Variants in LRRTM3 observed in about 807,000 individuals in gnomAD.
The protein encoded by LRRTM3 is leucine-rich repeat transmembrane neuronal protein 3.
LRRTM3 carries 24 observed loss-of-function variants against 44.7 expected under a neutral mutation model. The observed-to-expected ratio is 0.54, with a 90% CI of 0.39 to 0.76. The LOEUF (loss-of-function observed/expected upper bound fraction) is 0.76. Among genes scored for constraint, LRRTM3 ranks in the 30% least tolerant of loss-of-function variants. LRRTM3 has a pLI of 0.00. For missense variants in LRRTM3, 587 were observed against 702.2 expected, an observed-to-expected ratio of 0.84 and a Z score of 1.85; for synonymous variants, 277 against 278.7, an observed-to-expected ratio of 0.99 and a Z score of 0.06.
At chr10:67,080,241 T>C (rs1468181556) in intron 2 of LRRTM3, among the ~76,000 whole-genome samples, 2 of 152,222 alleles carry the variant, frequency 1.3e-5, no homozygotes, top group African/African-American at 4.8e-5. Context: ...GATTGGGTTT[T>C]GAAATGGTAT....
intron 2 of LRRTM3, among the ~76,000 whole-genome samples, chr10:67,077,341 A>C (rs1856794353): frequency 6.6e-6 from 1 of 152,146 alleles, no homozygotes; most frequent in Non-Finnish European, 1.5e-5. Context: ...TAAAGTCTAA[A>C]TCCTTCAAAA....
Position 67,097,690 on chromosome 10 carries a change from C to T in LRRTM3, c.1640C>T (p.Thr547Met), listed in dbSNP as rs377501504. The T allele has an allele frequency of 2.3e-5, 37 of 1,612,504 alleles. No homozygotes were observed. The highest frequency in any genetic ancestry group is 2.8e-5 in the Non-Finnish European group (33 of 1,179,020). The part of the protein sequence containing the change: ...HELLSHKSFE[T>M]NAQEDTMETH... ...CTTCTCTCCCATAAGTCCTTTGAAA[C>T]GAATGCACAGGAAGATACGATGGAA... is the stretch of plus-strand genomic sequence containing the variant. Residue 547 changes from threonine (T) to methionine (M), a missense_variant, in exon 3 of 3, where the codon ACG becomes ATG. This residue lies in a region of LRRTM3 where 315 missense variants were observed against 335.6 expected (regional missense o/e 0.94). Transcript: ENST00000361320.
intron 2 of LRRTM3, among the ~76,000 whole-genome samples, chr10:67,063,816 C>T (rs971558255): frequency 2.0e-5 from 3 of 152,102 alleles, no homozygotes; most frequent in Non-Finnish European, 4.4e-5. Context: ...GTTGCTGAAT[C>T]CCACAAAGAC....
chr10:67,096,746 C>T (rs1858016780), intron 2 of LRRTM3, among the ~76,000 whole-genome samples: 1 of 151,802 alleles, frequency 6.6e-6, no homozygotes. Flanking sequence ...ACTTTTAGAA[C>T]TTGCTTTCTT....
intron 2 of LRRTM3, among the ~76,000 whole-genome samples, chr10:66,996,785 A>G (rs772069828): frequency 4.0e-5 from 6 of 151,698 alleles, no homozygotes; most frequent in Non-Finnish European, 8.8e-5. Flanking sequence ...CAAAAATATT[A>G]TCTAAAGTAG....
chr10:66,928,220 T>C lies in LRRTM3; in HGVS notation c.1304T>C (p.Leu435Pro). 2 of 1,614,166 alleles carry C rather than the reference T, an allele frequency of 1.2e-6. No homozygotes were observed. Among genetic ancestry groups the C allele is most frequent in the Non-Finnish European group, 1.7e-6 (2 of 1,180,038 alleles). Residue 435 changes from leucine to proline, a missense_variant, in exon 2 of 3, where the codon CTG (leucine) becomes CCG (proline). Leu to Pro is a moderately conservative substitution (Grantham distance 98). This residue lies in a region of LRRTM3 where 315 missense variants were observed against 335.6 expected (regional missense o/e 0.94). Coordinates refer to ENST00000361320, the MANE Select transcript of LRRTM3 (RefSeq NM_178011.5). ...VALFLSVLVI[L>P]LVIYVSWKRY... ...CTTTTCCTGTCCGTGCTCGTCATCC[T>C]GCTGGTTATCTACGTGTCATGGAAG...
intron 2 of LRRTM3, among the ~76,000 whole-genome samples, chr10:67,087,082 A>G (rs537953809): frequency 6.6e-6 from 1 of 152,194 alleles, no homozygotes; most frequent in African/African-American, 2.4e-5. Flanking sequence ...CATAGTTTCA[A>G]TTTAGGTCTC....
rs569160074 is a variant in LRRTM3, at chr10:66,962,503, G to A, written c.1536+34051G>A. Among the ~76,000 whole-genome samples the A allele has an allele frequency of 1.6e-3, 236 of 151,460 alleles. 1 individual carries two copies. The highest frequency in any genetic ancestry group is 2.3e-3 in the Non-Finnish European group (159 of 67,874). On this transcript the variant is annotated intron_variant, in intron 2 of 2. Coordinates refer to ENST00000361320, the MANE Select transcript of LRRTM3 (RefSeq NM_178011.5). ...CTGCTCACTGCAATCTCCATCTCCC[G>A]GGTTCAAGCGATTCTCCTGCCTCAG... is the stretch of plus-strand genomic sequence containing the variant.
At chr10:67,078,534 T>A (rs1015893918) in intron 2 of LRRTM3, among the ~76,000 whole-genome samples, 2 of 152,142 alleles carry the variant, frequency 1.3e-5, no homozygotes, top group Admixed American at 6.5e-5. Flanking sequence ...TATTATTATT[T>A]GAGAAGGAGT....
intron 2 of LRRTM3, among the ~76,000 whole-genome samples, chr10:67,084,828 T>C (rs953253615): frequency 6.6e-6 from 1 of 152,004 alleles, no homozygotes. Context: ...CTTTCCTTCA[T>C]TGCTGATTTT....
chr10:67,017,784 T>G (rs1259671304), intron 2 of LRRTM3, among the ~76,000 whole-genome samples: 1 of 152,074 alleles, frequency 6.6e-6, no homozygotes, highest in Non-Finnish European at 1.5e-5. Flanking sequence ...TACAATTTTA[T>G]TTTGAGATGG....
intron 2 of LRRTM3, among the ~76,000 whole-genome samples, chr10:67,043,683 C>T (rs151228053): frequency 6.6e-6 from 1 of 152,098 alleles, no homozygotes; most frequent in African/African-American, 2.4e-5. Flanking sequence ...CCTTTAATCT[C>T]CCACTGCTCC....
intron 2 of LRRTM3, among the ~76,000 whole-genome samples, chr10:66,936,715 G>C (rs1321027250): frequency 6.6e-6 from 1 of 151,984 alleles, no homozygotes; most frequent in African/African-American, 2.4e-5. Context: ...CCATTTCCAT[G>C]TATTTTCTCT....
chr10:67,058,284 T>C (rs1855558627), intron 2 of LRRTM3, among the ~76,000 whole-genome samples: 1 of 152,250 alleles, frequency 6.6e-6, no homozygotes, highest in South Asian at 2.1e-4. Context: ...GGTCTTAGTC[T>C]ATCACATCAT....
In LRRTM3 at chr10:66,926,335, C is replaced by A; in HGVS notation, c.-249C>A. On this transcript the variant is annotated 5_prime_UTR_variant, in exon 1 of 3. Transcript: ENST00000361320. Reference sequence around the variant, plus strand: ...GCAAAAACGTAATATCCATGAAGATCCTATTACCTAGGAAGATTTTGATGT... The same window carrying A: ...GCAAAAACGTAATATCCATGAAGATACTATTACCTAGGAAGATTTTGATGT... 2 of 528,820 alleles carry A rather than the reference C, an allele frequency of 3.8e-6. No homozygotes were observed. Among genetic ancestry groups the A allele is most frequent in the African/African-American group, 1.9e-5 (1 of 51,298 alleles). 32.8% of individuals were successfully genotyped at this position (528,820 alleles called of 1,614,324 possible).
chr10:66,939,892 A>G (rs542206172), intron 2 of LRRTM3, among the ~76,000 whole-genome samples: 7 of 152,306 alleles, frequency 4.6e-5, no homozygotes, highest in South Asian at 4.1e-4. Flanking sequence ...AAGAACTGCA[A>G]TCCTCAAGTT....
intron 2 of LRRTM3, among the ~76,000 whole-genome samples, chr10:66,995,847 G>A (rs931835616): frequency 5.9e-5 from 9 of 152,074 alleles, no homozygotes; most frequent in Non-Finnish European, 1.3e-4. Context: ...AATCCACAGA[G>A]GAAATTATAC....
At position 66,928,208 on chromosome 10, in the gene LRRTM3, T is replaced by C. The variant is rs752492333; in HGVS notation, c.1292T>C (p.Val431Ala). 1.7e-5 allele frequency: 27 copies of C among 1,614,004 alleles called. No homozygotes were observed. Among genetic ancestry groups the C allele is most frequent in the African/African-American group, 6.7e-5 (5 of 74,930 alleles). ...IAGSVALFLS[V>A]LVILLVIYVS... ...GGCAGCGTGGCGCTTTTCCTGTCCG[T>C]GCTCGTCATCCTGCTGGTTATCTAC... Residue 431 changes from valine (V) to alanine (A), a missense_variant, in exon 2 of 3, where the codon GTG (valine) becomes GCG (alanine). By Grantham distance (64) the Val-to-Ala change is moderately conservative. Coordinates refer to ENST00000361320, the MANE Select transcript of LRRTM3 (RefSeq NM_178011.5).
Position 67,097,986 on chromosome 10 carries a change from T to C in LRRTM3, c.*190T>C. 1.7e-6 allele frequency: 1 copy of C among 590,244 alleles called. No individual in the cohort carries two copies. The highest frequency in any genetic ancestry group is 2.1e-5 in the South Asian group (1 of 48,204). 36.6% of individuals were successfully genotyped at this position (590,244 alleles called of 1,614,324 possible). On this transcript the variant is annotated 3_prime_UTR_variant, in exon 3 of 3. Transcript: ENST00000361320. ...ATTGTTTTAAGTCTACACTTTGTAATTAGCTAAGTTGTGCAGTATTTTTTG... is the reference window on the plus strand; with the variant it reads ...ATTGTTTTAAGTCTACACTTTGTAACTAGCTAAGTTGTGCAGTATTTTTTG...
Sources: allele counts gnomAD v4.1 joint callset (sites outside exome capture counted in the v4.1 genomes callset), GRCh38; gene constraint gnomAD v4.1.1; regional missense constraint gnomAD v4.1.1; transcripts MANE v1.5; gene names NCBI Gene and HGNC (gene_info 2026-07-23, HGNC 2026-07-21).